Variants in SH3RF1 observed in about 807,000 individuals in gnomAD.
SH3RF1 encodes the protein E3 ubiquitin-protein ligase SH3RF1.
In SH3RF1, 32 loss-of-function variants were observed where a neutral mutation model predicts 74.0. The observed-to-expected ratio is 0.43, with a 90% CI of 0.33 to 0.58. The LOEUF (loss-of-function observed/expected upper bound fraction) is 0.58, where lower values mean the gene tolerates loss of function less well. Among genes scored for constraint, SH3RF1 ranks in the 20% least tolerant of loss-of-function variants. The pLI, the probability that SH3RF1 is intolerant of heterozygous loss-of-function variation, is 0.05. For missense variants in SH3RF1, 954 were observed against 1,130.9 expected (o/e 0.84, Z 2.24); for synonymous variants, 396 against 439.6 (o/e 0.90, Z 1.24).
chr4:169,156,082 T>C (rs1442912191), intron 3 of SH3RF1, among the ~76,000 whole-genome samples: 1 of 152,244 alleles, frequency 6.6e-6, no homozygotes, highest in Non-Finnish European at 1.5e-5. Flanking sequence ...ACATTTCATT[T>C]TGTTATTCAT....
At chr4:169,211,435 T>C (rs1730364789) in intron 2 of SH3RF1, among the ~76,000 whole-genome samples, 1 of 149,396 alleles carries the variant, frequency 6.7e-6, no homozygotes, top group Admixed American at 6.7e-5. Context: ...TGAGCTGAGA[T>C]TGGGCCACTG....
intron 2 of SH3RF1, among the ~76,000 whole-genome samples, chr4:169,169,223 A>G (rs1734289081): frequency 6.6e-6 from 1 of 152,248 alleles, no homozygotes; most frequent in Non-Finnish European, 1.5e-5. Context: ...TAAACTTATT[A>G]CAAGGATATA....
intron 2 of SH3RF1, among the ~76,000 whole-genome samples, chr4:169,214,135 T>G (rs375083700): frequency 8.2e-4 from 125 of 152,278 alleles, no homozygotes; most frequent in African/African-American, 1.9e-3. Flanking sequence ...AGTGTTTGGG[T>G]CATGGGGGCG....
At chr4:169,268,250 C>T (rs1731385475) in intron 2 of SH3RF1, among the ~76,000 whole-genome samples, 1 of 152,070 alleles carries the variant, frequency 6.6e-6, no homozygotes, top group Non-Finnish European at 1.5e-5. Context: ...TTAGTGTAGT[C>T]CTAAGTGACA....
rs775592022 is a variant in SH3RF1 at position 169,269,200 on chromosome 4, C to T, written c.13G>A (p.Ala5Thr). Residue 5 changes from alanine to threonine, a missense_variant, in exon 2 of 12, where the codon GCC becomes ACC. This residue lies in a region of SH3RF1 where 64 missense variants were observed against 101.9 expected (regional missense o/e 0.63). Transcript: ENST00000284637. ...GGACACTCCAAAAGATCCAACAAGG[C>T]TGATTCATCCATCTTTATCTACTTT... Reference protein sequence around the residue: MDESALLDLLECPVC... With the variant: MDESTLLDLLECPVC... The T allele has an allele frequency of 5.7e-6, 9 of 1,580,204 alleles. No individual in the cohort carries two copies. The highest frequency in any genetic ancestry group is 2.2e-5 in the East Asian group (1 of 44,550).
At chr4:169,262,789 T>C (rs1253489881) in intron 2 of SH3RF1, among the ~76,000 whole-genome samples, 1 of 152,128 alleles carries the variant, frequency 6.6e-6, no homozygotes, top group African/African-American at 2.4e-5. Flanking sequence ...TTAAAAAAAT[T>C]ATCAATTAGT....
intron 2 of SH3RF1, among the ~76,000 whole-genome samples, chr4:169,174,225 C>T (rs1345637584): frequency 6.6e-6 from 1 of 152,094 alleles, no homozygotes; most frequent in East Asian, 1.9e-4. Context: ...GCATACCTGG[C>T]TAATTTTTGT....
intron 2 of SH3RF1, among the ~76,000 whole-genome samples, chr4:169,176,128 G>A (rs1331408521): frequency 6.6e-6 from 1 of 152,164 alleles, no homozygotes; most frequent in Non-Finnish European, 1.5e-5. Flanking sequence ...CTTGAGCTTG[G>A]ACTTTCCAGC....
chr4:169,239,692 C>G (rs2127011993), intron 2 of SH3RF1, among the ~76,000 whole-genome samples: 1 of 152,250 alleles, frequency 6.6e-6, no homozygotes, highest in East Asian at 1.9e-4. Context: ...AGGCATACCA[C>G]AAGATGTACC....
intron 2 of SH3RF1, among the ~76,000 whole-genome samples, chr4:169,242,909 C>A (rs1040074100): frequency 6.6e-6 from 1 of 152,176 alleles, no homozygotes; most frequent in Non-Finnish European, 1.5e-5. Context: ...AATCACCCAG[C>A]CTGTTATAGC....
At chr4:169,115,363 C>T (rs1733313352) in intron 10 of SH3RF1, among the ~76,000 whole-genome samples, 1 of 152,142 alleles carries the variant, frequency 6.6e-6, no homozygotes, top group African/African-American at 2.4e-5. Context: ...TACAGCCGCT[C>T]CCCATCACTT....
chr4:169,168,414 T>G (rs1180555717), intron 2 of SH3RF1, among the ~76,000 whole-genome samples: 1 of 152,178 alleles, frequency 6.6e-6, no homozygotes, highest in African/African-American at 2.4e-5. Flanking sequence ...ACAGAGAAGT[T>G]TGGCATATTC....
Position 169,130,268 on chromosome 4 carries a change from G to A in SH3RF1, c.1069-112C>T, listed in dbSNP as rs182702649. ...TTAAAAAAAAAAATCTGTACTTTCT[G>A]TTATTTGGGGAAGGTAGAATCCCTT... On this transcript the variant is annotated intron_variant, in intron 5 of 11. Transcript: ENST00000284637. 5.7e-4 allele frequency: 433 copies of A among 765,586 alleles called. 2 individuals are homozygous for A. Among genetic ancestry groups the A allele is most frequent in the East Asian group, 1.0e-3 (33 of 32,182 alleles). 47.4% of individuals were successfully genotyped at this position (765,586 alleles called of 1,614,324 possible).
At chr4:169,113,532 G>A (rs766309214) in intron 10 of SH3RF1, among the ~76,000 whole-genome samples, 7 of 152,162 alleles carry the variant, frequency 4.6e-5, no homozygotes, top group East Asian at 1.9e-4. Context: ...GGAGACACTC[G>A]CTAACAATAA....
intron 2 of SH3RF1, among the ~76,000 whole-genome samples, chr4:169,242,774 C>T (rs1310778732): frequency 1.3e-5 from 2 of 152,194 alleles, no homozygotes; most frequent in Admixed American, 1.3e-4. Flanking sequence ...CCTGCCTGCT[C>T]TCTTGCTATA....
chr4:169,219,179 C>T (rs1730521130), intron 2 of SH3RF1, among the ~76,000 whole-genome samples: 1 of 152,100 alleles, frequency 6.6e-6, no homozygotes, highest in South Asian at 2.1e-4. Flanking sequence ...GAACAACTGA[C>T]CTTTACAGAA....
rs916773883 is a variant in SH3RF1 at position 169,174,043 on chromosome 4, C to T, written c.394-17364G>A. 4.6e-5 allele frequency among the ~76,000 whole-genome samples: 7 copies of T among 151,702 alleles called. No individual in the cohort carries two copies. In the East Asian group the frequency reaches 9.8e-4, roughly 21 times the overall value. On this transcript the variant is annotated intron_variant, in intron 2 of 11. Coordinates refer to ENST00000284637, the MANE Select transcript of SH3RF1 (RefSeq NM_020870.4). ...GTGACTGAATTCATACCTGAAGCAG[C>T]CCCATCCTGATAACACAATAAAAAC...
intron 2 of SH3RF1, among the ~76,000 whole-genome samples, chr4:169,214,868 T>G (rs1022634025): frequency 1.3e-5 from 2 of 152,210 alleles, no homozygotes; most frequent in African/African-American, 4.8e-5. Flanking sequence ...TTGTTGTCAA[T>G]TCTTTTGGAT....
intron 1 of SH3RF1, among the ~76,000 whole-genome samples, chr4:169,270,179 G>T (rs756345077): frequency 2.0e-5 from 3 of 152,232 alleles, no homozygotes; most frequent in African/African-American, 7.2e-5. Flanking sequence ...ATTTGGCTGG[G>T]AGCATTAACA....
Sources: allele counts gnomAD v4.1 joint callset (sites outside exome capture counted in the v4.1 genomes callset), GRCh38; gene constraint gnomAD v4.1.1; regional missense constraint gnomAD v4.1.1; transcripts MANE v1.5; gene names NCBI Gene and HGNC (gene_info 2026-07-23, HGNC 2026-07-21).